Variants in LPAR1 observed in about 807,000 individuals in gnomAD.
The protein encoded by LPAR1 is LPA receptor 1.
In LPAR1, 5 loss-of-function variants were observed where a neutral mutation model predicts 23.8. The ratio of observed to expected loss-of-function variants is 0.21; its 90% CI spans 0.11 to 0.44. The LOEUF (loss-of-function observed/expected upper bound fraction) is 0.44, where lower values mean the gene tolerates loss of function less well. Among genes scored for constraint, LPAR1 ranks in the 20% least tolerant of loss-of-function variants. The pLI is 0.99. For synonymous variants in LPAR1, 160 were observed against 164.7 expected (o/e 0.97, Z 0.22); for missense variants, 311 against 482.8 (o/e 0.64, Z 3.33).
chr9:110,884,597 T>C (rs1443114374), intron 5 of LPAR1, among the ~76,000 whole-genome samples: 1 of 152,130 alleles, frequency 6.6e-6, no homozygotes, highest in Non-Finnish European at 1.5e-5. Context: ...CCTAGGCCAT[T>C]AACCAAATAT....
chr9:110,920,868 T>C (rs947695244), intron 5 of LPAR1, among the ~76,000 whole-genome samples: 1 of 152,178 alleles, frequency 6.6e-6, no homozygotes, highest in African/African-American at 2.4e-5. Context: ...CATGCCTGTA[T>C]TCTCAGCACT....
At chr9:110,903,628 C>CA (rs1447545059) in intron 5 of LPAR1, among the ~76,000 whole-genome samples, 3 of 151,856 alleles carry the variant, frequency 2.0e-5, no homozygotes, top group African/African-American at 4.8e-5. Context: ...TAAAAACCGA[C>CA]AAAAAACAGA....
At chr9:110,915,989 T>C (rs1167337655) in intron 5 of LPAR1, among the ~76,000 whole-genome samples, 3 of 140,420 alleles carry the variant, frequency 2.1e-5, no homozygotes, top group South Asian at 2.4e-4. Flanking sequence ...AACAGGTAAG[T>C]ATACAGTGAT....
At chr9:110,926,683 C>T (rs1018404929) in intron 5 of LPAR1, among the ~76,000 whole-genome samples, 3 of 128,880 alleles carry the variant, frequency 2.3e-5, no homozygotes, top group South Asian at 2.6e-4. Context: ...GAATTTTGTC[C>T]GAGTGGTTTT....
chr9:110,943,591 G>A (rs1290526943), intron 4 of LPAR1, among the ~76,000 whole-genome samples: 2 of 152,066 alleles, frequency 1.3e-5, no homozygotes, highest in Non-Finnish European at 2.9e-5. Flanking sequence ...AGGGCACAGT[G>A]GCTCACATCT....
intron 2 of LPAR1, among the ~76,000 whole-genome samples, chr9:111,030,245 A>G (rs2097772470): frequency 6.6e-6 from 1 of 152,188 alleles, no homozygotes. Flanking sequence ...GTCAGAAAGT[A>G]AAGCAAGCAG....
At chr9:111,002,306 T>C (rs1002339915) in intron 2 of LPAR1, among the ~76,000 whole-genome samples, 1 of 152,236 alleles carries the variant, frequency 6.6e-6, no homozygotes, top group Non-Finnish European at 1.5e-5. Context: ...GGAATGCAGT[T>C]CTAATCACAT....
At chr9:110,943,007 T>C (rs1244009936) in intron 4 of LPAR1, among the ~76,000 whole-genome samples, 1 of 90,048 alleles carries the variant, frequency 1.1e-5, no homozygotes, top group African/African-American at 4.4e-5. Flanking sequence ...TATTTGCTTA[T>C]TATTTACAAT....
At chr9:110,876,372 T>C (rs2079083209) in intron 5 of LPAR1, among the ~76,000 whole-genome samples, 1 of 152,224 alleles carries the variant, frequency 6.6e-6, no homozygotes. Context: ...TGTTTGGAAA[T>C]TGTGATTTTC....
At chr9:110,964,656 C>T (rs866110714) in intron 4 of LPAR1, among the ~76,000 whole-genome samples, 9 of 92,772 alleles carry the variant, frequency 9.7e-5, no homozygotes, top group African/African-American at 1.7e-4. Flanking sequence ...TCCAAAAAGA[C>T]GAATCTTTCA....
chr9:110,960,823 A>G (rs1359085355), intron 4 of LPAR1, among the ~76,000 whole-genome samples: 1 of 152,210 alleles, frequency 6.6e-6, no homozygotes, highest in Non-Finnish European at 1.5e-5. Context: ...TAATCAGGTA[A>G]CCCAGAAGAC....
intron 2 of LPAR1, among the ~76,000 whole-genome samples, chr9:111,012,376 C>G (rs976007730): frequency 6.6e-6 from 1 of 152,144 alleles, no homozygotes; most frequent in African/African-American, 2.4e-5. Flanking sequence ...TTTCTGATGA[C>G]AGTAAACAGT....
At chr9:111,009,018 A>G (rs2097274126) in intron 2 of LPAR1, among the ~76,000 whole-genome samples, 1 of 152,136 alleles carries the variant, frequency 6.6e-6, no homozygotes, top group African/African-American at 2.4e-5. Context: ...AAAAGAACAA[A>G]CAGTCGAAGC....
chr9:110,968,762 G>C (rs568264422), intron 4 of LPAR1, among the ~76,000 whole-genome samples: 2 of 152,248 alleles, frequency 1.3e-5, no homozygotes, highest in South Asian at 4.2e-4. Flanking sequence ...CTGCCACAAG[G>C]CTTGCTGAGC....
At chr9:110,926,704 T>TC (rs398011852) in intron 5 of LPAR1, among the ~76,000 whole-genome samples, 2 of 151,824 alleles carry the variant, frequency 1.3e-5, no homozygotes, top group African/African-American at 4.8e-5. Flanking sequence ...GTGTTTTTTT[T>TC]CCCCTAACTC....
rs576562755 is a variant in LPAR1, at chr9:110,929,698, A to G, written c.793+11723T>C. ...AAAATGCTGTATTTCCCAGCCAATA[A>G]TGTGTGTGTGTGTGTGTGTGTGTGT... is the stretch of plus-strand genomic sequence containing the variant. On this transcript the variant is annotated intron_variant, in intron 5 of 5. Transcript: ENST00000683809. 2.0e-4 allele frequency among the ~76,000 whole-genome samples: 29 copies of G among 146,360 alleles called. No homozygotes were observed. In the East Asian group the frequency reaches 6.2e-3, roughly 31 times the overall value.
In LPAR1 at chr9:110,910,053, T is replaced by C. The variant is rs142454879; in HGVS notation, c.793+31368A>G. ...CATGAGCCACCACATCTGGCCCAAA[T>C]GTTATTTTTAGAGCAGGTTAGTTTC... On this transcript the variant is annotated intron_variant, in intron 5 of 5. Transcript: ENST00000683809. Among the ~76,000 whole-genome samples the C allele has an allele frequency of 7.0e-4, 107 of 152,208 alleles. 1 individual carries two copies. The East Asian group carries it at 0.018, about 26-fold the overall frequency.
At chr9:111,038,524 A>G, upstream of LPAR1, 1 of 442,052 alleles carries the variant, frequency 2.3e-6, no homozygotes, top group East Asian at 7.9e-5. This position sits in a 1 kb window ranked among gnomAD's most constrained non-coding sequence, Gnocchi z 4.4. Context: ...GGGCCAGAGG[A>G]GCAGCGCCGA....
At chr9:111,018,690 C>T (rs191092501) in intron 2 of LPAR1, among the ~76,000 whole-genome samples, 4 of 152,228 alleles carry the variant, frequency 2.6e-5, no homozygotes, top group African/African-American at 7.2e-5. Flanking sequence ...CTAAAATGAG[C>T]ACAAACAGGT....
Sources: allele counts gnomAD v4.1 joint callset (sites outside exome capture counted in the v4.1 genomes callset), GRCh38; gene constraint gnomAD v4.1.1; non-coding constraint Gnocchi (gnomAD v3.1); transcripts MANE v1.5; gene names NCBI Gene and HGNC (gene_info 2026-07-23, HGNC 2026-07-21).